Variants in ATP6V1B2 observed in about 807,000 individuals in gnomAD.
ATP6V1B2 encodes the protein V-type proton ATPase subunit B, brain isoform.
Under a neutral mutation model 66.7 loss-of-function variants are expected in ATP6V1B2, and 23 were observed. That is an observed-to-expected ratio of 0.34 (90% CI 0.25 to 0.49). ATP6V1B2 has a LOEUF of 0.49. Among genes scored for constraint, ATP6V1B2 ranks in the 20% least tolerant of loss-of-function variants. ATP6V1B2 has a pLI of 0.99. For synonymous variants in ATP6V1B2, 278 were observed against 236.7 expected (o/e 1.17, Z -1.60); for missense variants, 478 against 650.8 (o/e 0.73, Z 2.89).
In ATP6V1B2 at chr8:20,204,522, A is replaced by G. The variant is rs1214156087; in HGVS notation, c.175A>G (p.Ile59Val). 2 of 1,612,300 alleles carry G rather than the reference A, an allele frequency of 1.2e-6. No homozygotes were observed. Among genetic ancestry groups the G allele is most frequent in the Admixed American group, 1.7e-5 (1 of 60,016 alleles). The change falls in exon 2 of 14, where the codon ATC becomes GTC. Residue 59 changes from isoleucine to valine, a missense_variant. Coordinates refer to ENST00000276390, the MANE Select transcript of ATP6V1B2 (RefSeq NM_001693.4). ...TVSGVNGPLV[I>V]LDHVKFPRYA... is the part of the protein sequence containing the mutation. ...ATCTGGAGTCAATGGTCCACTAGTG[A>G]TCTTAGATCATGTTAAGGTAATACC...
intron 1 of ATP6V1B2, chr8:20,204,216 C>A: frequency 2.2e-6 from 1 of 446,474 alleles, no homozygotes; most frequent in Non-Finnish European, 4.1e-6. Flanking sequence ...CAGAGTCTTT[C>A]CCTCTGTGTC....
At chr8:20,209,331 G>C in intron 2 of ATP6V1B2, 102 bp from the exon 3 acceptor site, 1 of 1,148,234 alleles carries the variant, frequency 8.7e-7, no homozygotes, top group South Asian at 1.4e-5. Context: ...GAAGAGTAGA[G>C]GGTTCCATAT....
chr8:20,208,368 T>C (rs551245720), intron 2 of ATP6V1B2, among the ~76,000 whole-genome samples: 1 of 152,376 alleles, frequency 6.6e-6, no homozygotes, highest in African/African-American at 2.4e-5. Flanking sequence ...AAGGTGCCCA[T>C]ATCTCCAAAG....
chr8:20,216,435 C>T lies in ATP6V1B2; in HGVS notation c.1101C>T (p.Asp367=). The T allele has an allele frequency of 6.2e-7, 1 of 1,613,252 alleles. No homozygotes were observed. Among genetic ancestry groups the T allele is most frequent in the Non-Finnish European group, 8.5e-7 (1 of 1,179,394 alleles). ...PNDDITHPIP[D]LTGYITEGQI... ...TAGATATCACTCACCCCATCCCAGACTTGACTGGCTACATTACAGAGGGGC... is the reference window on the plus strand; with the variant it reads ...TAGATATCACTCACCCCATCCCAGATTTGACTGGCTACATTACAGAGGGGC... The change falls in exon 11 of 14, where the codon GAC becomes GAT. Residue 367 remains aspartate, a synonymous_variant. Transcript: ENST00000276390.
intron 1 of ATP6V1B2, 97 bp from the exon 2 acceptor site, chr8:20,204,387 A>C (rs1222561354): frequency 4.8e-6 from 5 of 1,042,040 alleles, no homozygotes; most frequent in Non-Finnish European, 7.3e-6. Flanking sequence ...ATTCTAATAG[A>C]CATGATAACG....
intron 7 of ATP6V1B2, 107 bp from the exon 8 acceptor site, chr8:20,211,995 T>C: frequency 9.1e-7 from 1 of 1,097,520 alleles, no homozygotes; most frequent in South Asian, 1.5e-5. Context: ...TTGGGGTACT[T>C]GAGGTTTTAA....
At chr8:20,216,527 C>T in intron 11 of ATP6V1B2, 32 bp downstream of exon 11, 1 of 1,568,632 alleles carries the variant, frequency 6.4e-7, no homozygotes, top group South Asian at 1.1e-5. Context: ...GGGAAGCTTG[C>T]AGACCTGCTC....
rs537754352 is a variant in ATP6V1B2, at chr8:20,217,661, A to C, written c.1266+337A>C. 3.9e-5 allele frequency among the ~76,000 whole-genome samples: 6 copies of C among 152,350 alleles called. No homozygotes were observed. The East Asian group carries it at 1.2e-3, about 29-fold the overall frequency. ...GGCTACTCTGACCTATTTCTTGCTT[A>C]ACATATTAAGCCGTCACCAGAACAC... is the stretch of plus-strand genomic sequence containing the variant. On this transcript the variant is annotated intron_variant, in intron 12 of 13. Transcript: ENST00000276390.
At chr8:20,205,597 G>A (rs2072730634) in intron 2 of ATP6V1B2, among the ~76,000 whole-genome samples, 1 of 152,168 alleles carries the variant, frequency 6.6e-6, no homozygotes, top group Non-Finnish European at 1.5e-5. Flanking sequence ...TTATGTAGTT[G>A]TAGAAAAATC....
intron 1 of ATP6V1B2, among the ~76,000 whole-genome samples, chr8:20,198,924 A>G (rs1327263078): frequency 1.3e-5 from 2 of 152,248 alleles, no homozygotes; most frequent in African/African-American, 4.8e-5. Flanking sequence ...AAACCTTGGC[A>G]ATAAATTTAT....
chr8:20,211,629 A>C (rs1290046064), intron 6 of ATP6V1B2, 23 bp from the exon 7 acceptor site: 1 of 1,578,802 alleles, frequency 6.3e-7, no homozygotes, highest in South Asian at 1.2e-5. Context: ...ATTTCAACTG[A>C]ATTCTTCTAC....
At chr8:20,204,623 A>G in intron 2 of ATP6V1B2, 84 bp downstream of exon 2, 1 of 1,244,158 alleles carries the variant, frequency 8.0e-7, no homozygotes, top group South Asian at 1.4e-5. Context: ...AATTTTTGTT[A>G]TGATTTTTAA....
At chr8:20,212,520 C>T (rs933804028) in intron 8 of ATP6V1B2, among the ~76,000 whole-genome samples, 1 of 152,212 alleles carries the variant, frequency 6.6e-6, no homozygotes, top group Non-Finnish European at 1.5e-5. Flanking sequence ...ATCTGGCTTT[C>T]ATTTGTTTCC....
intron 8 of ATP6V1B2, 124 bp from the exon 9 acceptor site, chr8:20,212,658 C>T (rs541069957): frequency 1.7e-5 from 23 of 1,344,808 alleles, no homozygotes; most frequent in Non-Finnish European, 2.2e-5. Context: ...AACTGCTTTA[C>T]TCTCCTCAAT....
At chr8:20,218,908 C>T (rs2072881288) in intron 13 of ATP6V1B2, among the ~76,000 whole-genome samples, 1 of 152,154 alleles carries the variant, frequency 6.6e-6, no homozygotes, top group Non-Finnish European at 1.5e-5. Flanking sequence ...TTCCAGCTGA[C>T]CTGCCTAGCA....
rs758015407 is a variant in ATP6V1B2 at position 20,212,091 on chromosome 8, T to C, written c.706-11T>C. The C allele has an allele frequency of 1.1e-5, 18 of 1,609,862 alleles. No homozygotes were observed. The highest frequency in any genetic ancestry group is 1.5e-5 in the Non-Finnish European group (18 of 1,176,588). ...TCTTCTCCCAGCACTGATGAAGTTA[T>C]TGTTATTTAGGTAAACATGGAAACT... On this transcript the variant is annotated splice_polypyrimidine_tract_variant and intron_variant, in intron 7 of 13. Coordinates refer to ENST00000276390, the MANE Select transcript of ATP6V1B2 (RefSeq NM_001693.4).
rs2291791 is a variant in ATP6V1B2, at chr8:20,209,328, A to G, written c.193-105A>G. 44,011 of 1,120,450 alleles carry G rather than the reference A, an allele frequency of 0.039. 1,129 individuals carry two copies. Among genetic ancestry groups the G allele is most frequent in the East Asian group, 0.11 (4,208 of 39,326 alleles). 69.4% of individuals were successfully genotyped at this position (1,120,450 alleles called of 1,614,324 possible). ...GCAAAAACCTGTGTCTGTGAAGAGT[A>G]GAGGGTTCCATATTCAGACACAACA... On this transcript the variant is annotated intron_variant, in intron 2 of 13. Transcript: ENST00000276390.
At position 20,216,986 on chromosome 8, in the gene ATP6V1B2, A is replaced by T. The variant is rs371735936; in HGVS notation, c.1162-234A>T. On this transcript the variant is annotated intron_variant, in intron 11 of 13. Transcript: ENST00000276390. Reference sequence around the variant, plus strand: ...TGAGTTTTTTAAAATAGTCTTGTACAGTGTTATAGATGACACTTTTTTGGA... The same window carrying T: ...TGAGTTTTTTAAAATAGTCTTGTACTGTGTTATAGATGACACTTTTTTGGA... The T allele has an allele frequency of 1.3e-4, 64 of 494,458 alleles. 1 individual carries two copies. In the South Asian group the frequency reaches 1.6e-3, roughly 12 times the overall value. The allele number at this position is 494,458 out of a possible 1,614,324, so 30.6% of individuals were successfully genotyped here. A position where few individuals can be genotyped will look rare whatever the true frequency, so the allele number is the denominator to read the frequency against.
chr8:20,204,360 C>T, intron 1 of ATP6V1B2, 124 bp from the exon 2 acceptor site: 1 of 765,186 alleles, frequency 1.3e-6, no homozygotes, highest in Non-Finnish European at 2.1e-6. Context: ...AATTTTGTAG[C>T]TATTTGAGTG....
Sources: gnomAD v4.1 joint callset for allele counts (sites outside exome capture counted in the v4.1 genomes callset) on GRCh38, gnomAD v4.1.1 for gene constraint, MANE v1.5 for transcripts, NCBI Gene and HGNC (gene_info 2026-07-23, HGNC 2026-07-21) for gene names.